The following CYFIP2 variants were observed in gnomAD, a reference collection of about 807,000 sequenced individuals.
The protein encoded by CYFIP2 is cytoplasmic FMR1 interacting protein 2.
In CYFIP2, 29 loss-of-function variants were observed where a neutral mutation model predicts 158.7. The observed-to-expected ratio is 0.18, with a 90% confidence interval of 0.14 to 0.25. The LOEUF is 0.25. CYFIP2 is among the 10% of genes least tolerant of loss of function. The pLI, the probability that CYFIP2 is intolerant of heterozygous loss-of-function variation, is 1.00. For missense variants in CYFIP2, 852 were observed against 1,639.5 expected (o/e 0.52, Z 8.29); for synonymous variants, 585 against 617.6 (o/e 0.95, Z 0.78).
At chr5:157,312,941 G>T (rs1759860739) in intron 11 of CYFIP2, among the ~76,000 whole-genome samples, 1 of 152,016 alleles carries the variant, frequency 6.6e-6, no homozygotes, top group Non-Finnish European at 1.5e-5. Context: ...TGTACTCCTG[G>T]ACTCAAGCAA....
chr5:157,325,693 T>A, intron 17 of CYFIP2, 55 bp downstream of exon 17: 6 of 1,511,560 alleles, frequency 4.0e-6, no homozygotes, highest in Non-Finnish European at 3.6e-6. Flanking sequence ...TAGAGGGCAG[T>A]TTGCCAGGGA....
intron 13 of CYFIP2, among the ~76,000 whole-genome samples, chr5:157,317,625 C>CTTA: frequency 6.6e-6 from 1 of 152,106 alleles, no homozygotes; most frequent in Non-Finnish European, 1.5e-5. Context: ...CAATGGTTAC[C>CTTA]TTATTATTAT....
intron 9 of CYFIP2, among the ~76,000 whole-genome samples, chr5:157,308,699 G>A (rs1203731168): frequency 1.3e-5 from 2 of 152,174 alleles, no homozygotes; most frequent in Non-Finnish European, 2.9e-5. Flanking sequence ...TCACTAAGAG[G>A]AATCCTGTGC....
chr5:157,332,387 G>A (rs1220027692), intron 20 of CYFIP2, among the ~76,000 whole-genome samples: 1 of 152,196 alleles, frequency 6.6e-6, no homozygotes, highest in African/African-American at 2.4e-5. Context: ...TGTGGGGGAT[G>A]AATATACATA....
At chr5:157,372,563 T>C (rs1468244637) in intron 26 of CYFIP2, among the ~76,000 whole-genome samples, 1 of 152,172 alleles carries the variant, frequency 6.6e-6, no homozygotes, top group Non-Finnish European at 1.5e-5. Context: ...AGGAAAGTCA[T>C]GAGGGTTTTT....
chr5:157,365,587 T>C (rs1307424039), intron 26 of CYFIP2: 1 of 152,084 alleles, frequency 6.6e-6, no homozygotes, highest in Non-Finnish European at 1.5e-5. Context: ...AAATCTTAAG[T>C]GTACAGCTTG....
intron 1 of CYFIP2, among the ~76,000 whole-genome samples, chr5:157,281,717 A>G (rs1051063359): frequency 6.6e-6 from 1 of 152,158 alleles, no homozygotes; most frequent in Non-Finnish European, 1.5e-5. Context: ...TTTAAATTTT[A>G]TTTTATAAGT....
intron 5 of CYFIP2, among the ~76,000 whole-genome samples, chr5:157,297,538 T>C (rs73302177): frequency 0.021 from 3,124 of 152,362 alleles, 117 homozygotes; most frequent in African/African-American, 0.072. Flanking sequence ...TTGCAGCTAC[T>C]GTTAGCATCA....
In CYFIP2 at chr5:157,374,673, G is replaced by A. The variant is rs530755983; in HGVS notation, c.3040-7917G>A. 1.4e-4 allele frequency among the ~76,000 whole-genome samples: 22 copies of A among 152,240 alleles called. No homozygotes were observed. The East Asian group carries it at 2.7e-3, about 19-fold the overall frequency. On this transcript the variant is annotated intron_variant, in intron 26 of 30. Coordinates refer to ENST00000620254, the MANE Select transcript of CYFIP2 (RefSeq NM_001037333.3). ...CCTGGTCAGATGCACAGTCCTGTAC[G>A]GCAAGGCAATGTAGCAAAGCCCAGG...
chr5:157,285,343 G>C lies in CYFIP2; in HGVS notation c.-19G>C. ...CCTTCTCTTCCTTCCCTTCAGTGCA[G>C]AATACAGAAACTGCAGCCATGACCA... On this transcript the variant is annotated 5_prime_UTR_variant, in exon 2 of 31. Transcript: ENST00000620254. 1 of 1,552,392 alleles carries C rather than the reference G, an allele frequency of 6.4e-7. No homozygotes were observed. Among genetic ancestry groups the C allele is most frequent in the Non-Finnish European group, 8.7e-7 (1 of 1,146,508 alleles).
At chr5:157,386,146 ACATT>A (rs1227435024) in intron 28 of CYFIP2, among the ~76,000 whole-genome samples, 1 of 152,250 alleles carries the variant, frequency 6.6e-6, no homozygotes, top group Admixed American at 6.5e-5. Flanking sequence ...AGTGAAATGC[ACATT>A]CAAAGAATGA....
At chr5:157,353,032 GCCCTGCCGACA>G in intron 23 of CYFIP2, among the ~76,000 whole-genome samples, 1 of 152,144 alleles carries the variant, frequency 6.6e-6, no homozygotes, top group Admixed American at 6.5e-5. Flanking sequence ...AGGGAATGTG[GCCCTGCCGACA>G]CCTTGATTTT....
Position 157,307,805 on chromosome 5 carries a change from C to T in CYFIP2, c.840C>T (p.Asn280=), listed in dbSNP as rs1396951167. 6 of 1,611,974 alleles carry T rather than the reference C, an allele frequency of 3.7e-6. No homozygotes were observed. Among genetic ancestry groups the T allele is most frequent in the Non-Finnish European group, 5.1e-6 (6 of 1,178,902 alleles). The change falls in exon 9 of 31, where the codon AAC becomes AAT. Residue 280 remains asparagine, a synonymous_variant. Coordinates refer to ENST00000620254, the MANE Select transcript of CYFIP2 (RefSeq NM_001037333.3). ...GLYLMDGNVS[N]IYKLDAKKRI... ...ACCTAATGGATGGAAATGTCAGTAA[C>T]ATTTACAAACTGGATGCCAAGAAGA... is the stretch of plus-strand genomic sequence containing the variant.
chr5:157,369,563 C>A (rs2113429216), intron 26 of CYFIP2, among the ~76,000 whole-genome samples: 1 of 152,304 alleles, frequency 6.6e-6, no homozygotes, highest in African/African-American at 2.4e-5. Context: ...CAATCCATCA[C>A]CTTCATCCAA....
At chr5:157,279,695 T>G (rs10038502) in intron 1 of CYFIP2, among the ~76,000 whole-genome samples, 36,906 of 152,184 alleles carry the variant, frequency 0.24, 5,289 homozygotes, top group African/African-American at 0.39. Context: ...CCACTGAGAA[T>G]TTGCAGCTGT....
intron 26 of CYFIP2, among the ~76,000 whole-genome samples, chr5:157,377,136 G>T (rs545771927): frequency 3.1e-4 from 47 of 151,444 alleles, no homozygotes; most frequent in Non-Finnish European, 1.5e-5. Flanking sequence ...CACCCCCTTT[G>T]CTCTCCCCAA....
chr5:157,334,609 A>T (rs1248), intron 21 of CYFIP2, among the ~76,000 whole-genome samples: 70,472 of 151,858 alleles, frequency 0.46, 18,200 homozygotes, highest in African/African-American at 0.71. Flanking sequence ...ATTGTTATCA[A>T]CATATATTCT....
At chr5:157,285,608 CT>C (rs1757311189) in intron 2 of CYFIP2, 130 bp downstream of exon 2, 2 of 748,696 alleles carry the variant, frequency 2.7e-6, no homozygotes, top group African/African-American at 3.5e-5. Context: ...GATGGAGTCC[CT>C]TGTGCGCTGG....
chr5:157,270,104 C>T (rs1017326068), intron 1 of CYFIP2, among the ~76,000 whole-genome samples: 39 of 152,224 alleles, frequency 2.6e-4, no homozygotes, highest in African/African-American at 8.4e-4. Context: ...AACTCAGATA[C>T]AGGCAGTGAG....
Sources: gnomAD v4.1 joint callset for allele counts (sites outside exome capture counted in the v4.1 genomes callset) on GRCh38, gnomAD v4.1.1 for gene constraint, MANE v1.5 for transcripts, NCBI Gene and HGNC (gene_info 2026-07-23, HGNC 2026-07-21) for gene names.